The following MAGI2 variants were observed in gnomAD, a reference collection of about 807,000 sequenced individuals.
MAGI2 encodes the protein membrane associated guanylate kinase, WW and PDZ domain containing 2.
MAGI2 carries 35 observed loss-of-function variants against 133.3 expected under a neutral mutation model. The ratio of observed to expected loss-of-function variants is 0.26; its 90% CI spans 0.20 to 0.35. MAGI2 has a LOEUF of 0.35. Ranked by LOEUF, MAGI2 falls within the 10% of genes least tolerant of loss-of-function variation. The pLI is 1.00. For missense variants in MAGI2, 1,636 were observed against 1,863.4 expected (o/e 0.88, Z 2.25); for synonymous variants, 729 against 710.6 (o/e 1.03, Z -0.41).
intron 13 of MAGI2, among the ~76,000 whole-genome samples, chr7:78,178,671 T>C (rs958182485): frequency 1.6e-4 from 24 of 152,112 alleles, no homozygotes; most frequent in Non-Finnish European, 1.5e-5. Flanking sequence ...TTAGAAGATA[T>C]AGAATTTAAA....
intron 10 of MAGI2, among the ~76,000 whole-genome samples, chr7:78,201,668 C>T (rs1042850346): frequency 3.9e-5 from 6 of 152,120 alleles, no homozygotes; most frequent in South Asian, 2.1e-4. Context: ...TTAAAAATAA[C>T]GTATATGCCT....
intron 9 of MAGI2, among the ~76,000 whole-genome samples, chr7:78,273,200 A>G (rs1584662860): frequency 1.3e-5 from 2 of 152,272 alleles, no homozygotes; most frequent in South Asian, 2.1e-4. Context: ...TCATTTATTA[A>G]GCTTAGTTGG....
At chr7:78,207,866 TTTG>T (rs879782333) in intron 10 of MAGI2, among the ~76,000 whole-genome samples, 2 of 152,192 alleles carry the variant, frequency 1.3e-5, no homozygotes, top group East Asian at 1.9e-4. Context: ...AGAATCCATT[TTTG>T]TTGTTGTTGT....
intron 1 of MAGI2, among the ~76,000 whole-genome samples, chr7:79,084,197 G>C (rs1463877973): frequency 4.0e-5 from 6 of 151,246 alleles, no homozygotes; most frequent in African/African-American, 1.5e-4. Flanking sequence ...TGATTGCTTT[G>C]AGTTCAATTT....
At chr7:78,528,695 T>C (rs1797185686) in intron 3 of MAGI2, among the ~76,000 whole-genome samples, 1 of 152,168 alleles carries the variant, frequency 6.6e-6, no homozygotes, top group South Asian at 2.1e-4. Context: ...GCAGCTCTGA[T>C]GCTTACATTT....
At chr7:79,071,002 G>A (rs1304544514) in intron 1 of MAGI2, among the ~76,000 whole-genome samples, 2 of 152,148 alleles carry the variant, frequency 1.3e-5, no homozygotes, top group East Asian at 3.9e-4. Flanking sequence ...GAGGAGTTGT[G>A]ATCCTTCGAA....
intron 20 of MAGI2, among the ~76,000 whole-genome samples, chr7:78,086,703 C>T (rs940859805): frequency 2.7e-5 from 4 of 150,686 alleles, no homozygotes; most frequent in East Asian, 2.0e-4. Context: ...GGCGTGACCT[C>T]GGCTCGCTGC....
chr7:78,459,383 T>C (rs528664401), intron 6 of MAGI2, among the ~76,000 whole-genome samples: 1 of 152,330 alleles, frequency 6.6e-6, no homozygotes, highest in South Asian at 2.1e-4. Context: ...CGTTTATGGC[T>C]CATTTCCTTT....
chr7:79,220,954 G>T (rs1830403772), intron 1 of MAGI2, among the ~76,000 whole-genome samples: 1 of 151,972 alleles, frequency 6.6e-6, no homozygotes, highest in Non-Finnish European at 1.5e-5. Flanking sequence ...AGGTCATCCT[G>T]GAGCTTAAAA....
intron 20 of MAGI2, among the ~76,000 whole-genome samples, chr7:78,105,386 G>A (rs1219389861): frequency 5.3e-5 from 8 of 152,056 alleles, no homozygotes; most frequent in African/African-American, 1.9e-4. Flanking sequence ...AGATTTGATA[G>A]GTCCTGGGGT....
At chr7:78,699,571 G>C (rs1817859456) in intron 2 of MAGI2, among the ~76,000 whole-genome samples, 1 of 152,144 alleles carries the variant, frequency 6.6e-6, no homozygotes, top group South Asian at 2.1e-4. Flanking sequence ...AAAATTCCAA[G>C]ATCTCAAATA....
At chr7:79,043,439 A>C (rs1022145460) in intron 1 of MAGI2, among the ~76,000 whole-genome samples, 14 of 145,242 alleles carry the variant, frequency 9.6e-5, no homozygotes, top group Non-Finnish European at 3.0e-5. Context: ...GCTACTCAGG[A>C]GGCTGAGAAA....
At chr7:79,108,981 G>C (rs1417770625) in intron 1 of MAGI2, among the ~76,000 whole-genome samples, 2 of 152,118 alleles carry the variant, frequency 1.3e-5, no homozygotes, top group Non-Finnish European at 2.9e-5. Context: ...ACTCCCTGAG[G>C]CCTCCCTAGA....
At chr7:79,190,715 C>A (rs1827576566) in intron 1 of MAGI2, among the ~76,000 whole-genome samples, 1 of 151,760 alleles carries the variant, frequency 6.6e-6, no homozygotes, top group Admixed American at 6.6e-5. Context: ...TATTTGAAGA[C>A]AAATTGTATC....
intron 1 of MAGI2, among the ~76,000 whole-genome samples, chr7:79,177,697 T>C (rs1242946268): frequency 6.6e-6 from 1 of 152,094 alleles, no homozygotes; most frequent in Non-Finnish European, 1.5e-5. Context: ...CTTGGAAAGA[T>C]ATTGTAGCAC....
intron 21 of MAGI2, among the ~76,000 whole-genome samples, chr7:78,075,788 C>T (rs1028359902): frequency 1.3e-5 from 2 of 152,152 alleles, no homozygotes; most frequent in African/African-American, 4.8e-5. Context: ...ATCTGCCCAC[C>T]CATCAGTCAC....
At chr7:79,079,649 T>C (rs1815858426) in intron 1 of MAGI2, among the ~76,000 whole-genome samples, 2 of 152,180 alleles carry the variant, frequency 1.3e-5, no homozygotes, top group Admixed American at 1.3e-4. Flanking sequence ...GGTACTCACA[T>C]ATCTAGACAT....
chr7:78,993,947 C>T (rs1286291953), intron 2 of MAGI2, among the ~76,000 whole-genome samples: 1 of 152,074 alleles, frequency 6.6e-6, no homozygotes, highest in African/African-American at 2.4e-5. Flanking sequence ...AGATATCACT[C>T]TGCATATTAA....
chr7:78,478,977 C>T lies in MAGI2; in HGVS notation c.1045+10784G>A, dbSNP rs185925419. Among the ~76,000 whole-genome samples the T allele has an allele frequency of 1.6e-3, 246 of 151,994 alleles. 1 individual carries two copies. Among genetic ancestry groups the T allele is most frequent in the African/African-American group, 5.6e-3 (232 of 41,518 alleles). On this transcript the variant is annotated intron_variant, in intron 6 of 21. Transcript: ENST00000354212. ...CCATACCTAGAAGCAGTGTAGGTTC[C>T]TTTAACCTATAAGTGGTGGCATCAG...
Sources: allele counts gnomAD v4.1 joint callset (sites outside exome capture counted in the v4.1 genomes callset), GRCh38; gene constraint gnomAD v4.1.1; transcripts MANE v1.5; gene names NCBI Gene and HGNC (gene_info 2026-07-23, HGNC 2026-07-21).